Variants in ASIC2 observed in about 807,000 individuals in gnomAD.
ASIC2 encodes acid-sensing ion channel 2.
Under a neutral mutation model 57.3 loss-of-function variants are expected in ASIC2, and 25 were observed. The observed-to-expected ratio is 0.44, with a 90% confidence interval of 0.32 to 0.61. The LOEUF is 0.61. ASIC2 is among the 20% of genes least tolerant of loss of function. The pLI is 0.06. For missense variants in ASIC2, 641 were observed against 738.1 expected (o/e 0.87, Z 1.52); for synonymous variants, 319 against 307.5 (o/e 1.04, Z -0.39).
At chr17:34,037,893 G>A in intron 1 of ASIC2, 3 of 1,613,806 alleles carry the variant, frequency 1.9e-6, no homozygotes, top group Non-Finnish European at 2.5e-6. Context: ...GACTGGTTAT[G>A]GCCAAAAGGC....
chr17:33,258,118 G>A (rs1307357005), intron 1 of ASIC2, among the ~76,000 whole-genome samples: 1 of 152,204 alleles, frequency 6.6e-6, no homozygotes, highest in Non-Finnish European at 1.5e-5. Context: ...TCAGGTAGGT[G>A]TCATTCACGT....
rs115549990 is a variant in ASIC2, at chr17:33,038,136, C to T, written c.988-9744G>A. On this transcript the variant is annotated intron_variant, in intron 3 of 9. Transcript: ENST00000225823. ...GCTACACAGCCCCATCCCTCAGCCC[C>T]AGCTTTTAGTTTCCTTATCTGATTA... Among the ~76,000 whole-genome samples the T allele has an allele frequency of 4.4e-3, 674 of 152,316 alleles. 3 individuals carry two copies. Among genetic ancestry groups the T allele is most frequent in the African/African-American group, 0.015 (642 of 41,564 alleles).
intron 1 of ASIC2, among the ~76,000 whole-genome samples, chr17:33,517,176 C>T (rs185706929): frequency 1.0e-3 from 154 of 152,266 alleles, no homozygotes; most frequent in African/African-American, 3.5e-3. Context: ...AGTGCAGTGG[C>T]GCGATCTCAG....
At chr17:33,887,916 T>C (rs546698702) in intron 1 of ASIC2, among the ~76,000 whole-genome samples, 1 of 152,324 alleles carries the variant, frequency 6.6e-6, no homozygotes, top group Admixed American at 6.5e-5. Flanking sequence ...TATATGGACA[T>C]AGCCTCATTG....
chr17:34,038,822 C>T, intron 1 of ASIC2: 1 of 1,612,192 alleles, frequency 6.2e-7, no homozygotes, highest in Non-Finnish European at 8.5e-7. Flanking sequence ...AGGGGCCTGA[C>T]CCATGGCAGG....
At chr17:33,946,392 T>TA (rs1245543337) in intron 1 of ASIC2, among the ~76,000 whole-genome samples, 6 of 152,126 alleles carry the variant, frequency 3.9e-5, no homozygotes, top group East Asian at 3.9e-4. Context: ...CTTTGAATGC[T>TA]AAAAAAAGGT....
At chr17:33,119,101 C>T (rs1445732531) in intron 1 of ASIC2, among the ~76,000 whole-genome samples, 1 of 152,168 alleles carries the variant, frequency 6.6e-6, no homozygotes, top group African/African-American at 2.4e-5. Context: ...TATAAGCCCC[C>T]TTAAGGACTG....
intron 1 of ASIC2, among the ~76,000 whole-genome samples, chr17:33,915,077 G>A (rs936319674): frequency 2.6e-5 from 4 of 152,128 alleles, no homozygotes; most frequent in Admixed American, 6.6e-5. Flanking sequence ...CCCTCACCTC[G>A]GCCTGCCAGA....
At chr17:33,849,224 AG>A (rs1323109747) in intron 1 of ASIC2, among the ~76,000 whole-genome samples, 1 of 152,206 alleles carries the variant, frequency 6.6e-6, no homozygotes, top group Non-Finnish European at 1.5e-5. Context: ...CTTCTTGGTA[AG>A]AACTGGGATC....
At chr17:34,038,788 C>G (rs1226827331) in intron 1 of ASIC2, 24 of 1,611,702 alleles carry the variant, frequency 1.5e-5, no homozygotes, top group African/African-American at 2.7e-5. Context: ...TGCTTTTCCA[C>G]TGTTTCTGCT....
chr17:33,104,092 T>G (rs2092225418), intron 2 of ASIC2, among the ~76,000 whole-genome samples: 1 of 152,166 alleles, frequency 6.6e-6, no homozygotes, highest in Admixed American at 6.5e-5. Flanking sequence ...ATCTGCCAAG[T>G]CGATTGCCAC....
intron 1 of ASIC2, among the ~76,000 whole-genome samples, chr17:33,375,393 C>T (rs1264735309): frequency 2.0e-5 from 3 of 148,338 alleles, no homozygotes; most frequent in South Asian, 2.2e-4. Flanking sequence ...GGGCAGAGAG[C>T]GAGGGGGAGA....
At chr17:33,951,670 C>T (rs1202902483) in intron 1 of ASIC2, among the ~76,000 whole-genome samples, 1 of 151,946 alleles carries the variant, frequency 6.6e-6, no homozygotes, top group Non-Finnish European at 1.5e-5. Context: ...GCAACCTCCA[C>T]CTTCTGGGTT....
intron 1 of ASIC2, among the ~76,000 whole-genome samples, chr17:33,442,871 C>T (rs983587709): frequency 1.3e-5 from 2 of 152,126 alleles, no homozygotes; most frequent in Non-Finnish European, 2.9e-5. Context: ...GTGGGGGAAA[C>T]ATTTAATCTT....
intron 3 of ASIC2, among the ~76,000 whole-genome samples, chr17:33,058,470 C>CAAAAAA (rs10612611): frequency 6.1e-4 from 67 of 109,594 alleles, no homozygotes; most frequent in African/African-American, 1.5e-3. Flanking sequence ...TCTGAGAAGT[C>CAAAAAA]AAAAAAAAAA....
chr17:33,511,529 A>AC (rs746599281), intron 1 of ASIC2, among the ~76,000 whole-genome samples: 13 of 151,822 alleles, frequency 8.6e-5, no homozygotes, highest in Non-Finnish European at 1.9e-4. Flanking sequence ...TCTCCCTTTC[A>AC]CTCATACTCT....
intron 1 of ASIC2, among the ~76,000 whole-genome samples, chr17:33,672,256 C>T (rs940036065): frequency 1.3e-5 from 2 of 152,106 alleles, no homozygotes; most frequent in African/African-American, 2.4e-5. Flanking sequence ...AGCAACTGTG[C>T]AGGAAGGAAG....
chr17:33,544,373 C>T lies in ASIC2; in HGVS notation c.556-432306G>A, dbSNP rs553279280. ...CATTTGTGTACAAGTCTTTGTGTAA[C>T]AAATGTTTTCATTTCTCCTGGGTAA... On this transcript the variant is annotated intron_variant, in intron 1 of 9. Coordinates refer to the ASIC2 transcript ENST00000359872. 4.5e-4 allele frequency among the ~76,000 whole-genome samples: 68 copies of T among 152,246 alleles called. No homozygotes were observed. In the South Asian group the frequency reaches 0.014, roughly 31 times the overall value.
chr17:33,817,310 T>A (rs1912612729), intron 1 of ASIC2, among the ~76,000 whole-genome samples: 1 of 152,184 alleles, frequency 6.6e-6, no homozygotes, highest in Non-Finnish European at 1.5e-5. Flanking sequence ...TGAAGATGAA[T>A]CTTTTGTTTT....
Sources: allele counts gnomAD v4.1 joint callset (sites outside exome capture counted in the v4.1 genomes callset), GRCh38; gene constraint gnomAD v4.1.1; transcripts MANE v1.5; gene names NCBI Gene and HGNC (gene_info 2026-07-23, HGNC 2026-07-21).